The following RAB11FIP3 variants were observed in gnomAD, a reference collection of about 807,000 sequenced individuals.
RAB11FIP3 encodes RAB11 family interacting protein 3.
A neutral mutation model predicts 77.8 loss-of-function variants in RAB11FIP3; 17 were observed. The ratio of observed to expected loss-of-function variants is 0.22; its 90% CI spans 0.15 to 0.33. The LOEUF is 0.33. Among genes scored for constraint, RAB11FIP3 ranks in the 10% least tolerant of loss-of-function variants. The probability of loss-of-function intolerance (pLI) is 1.00; values close to 1 mark genes in which losing one functional copy is unlikely to be tolerated. For synonymous variants in RAB11FIP3, 437 were observed against 448.2 expected (o/e 0.98, Z 0.31); for missense variants, 1,005 against 1,011.2 (o/e 0.99, Z 0.08).
intron 8 of RAB11FIP3, among the ~76,000 whole-genome samples, chr16:508,035 TTC>T (rs1165121793): frequency 6.6e-6 from 1 of 152,268 alleles, no homozygotes; most frequent in African/African-American, 2.4e-5. Flanking sequence ...CCACGTTTTC[TTC>T]TGTTTTGCCA....
At chr16:464,454 A>T (rs908943671) in intron 2 of RAB11FIP3, among the ~76,000 whole-genome samples, 24 of 152,140 alleles carry the variant, frequency 1.6e-4, no homozygotes, top group African/African-American at 5.1e-4. Flanking sequence ...TCCTCCCTCC[A>T]GGCCTTCTGG....
intron 1 of RAB11FIP3, among the ~76,000 whole-genome samples, chr16:446,739 A>G (rs966351835): frequency 1.3e-5 from 2 of 151,866 alleles, no homozygotes; most frequent in South Asian, 4.1e-4. Context: ...TCTGTCGCCC[A>G]GGCTGGAGTG....
intron 1 of RAB11FIP3, among the ~76,000 whole-genome samples, chr16:446,595 T>G (rs935346726): frequency 4.6e-5 from 7 of 152,224 alleles, no homozygotes; most frequent in Admixed American, 3.9e-4. Flanking sequence ...TCTAGCCTGG[T>G]GTCCAGATGT....
At chr16:469,304 G>A (rs2055769583) in intron 2 of RAB11FIP3, among the ~76,000 whole-genome samples, 1 of 152,120 alleles carries the variant, frequency 6.6e-6, no homozygotes, top group African/African-American at 2.4e-5. Flanking sequence ...TCGAACTCCT[G>A]AACTCGTGAT....
At chr16:434,316 T>C (rs1266600718) in intron 1 of RAB11FIP3, among the ~76,000 whole-genome samples, 1 of 151,758 alleles carries the variant, frequency 6.6e-6, no homozygotes, top group Non-Finnish European at 1.5e-5. Context: ...AGAGGCGGGG[T>C]TTCGCCATGT....
chr16:496,757 T>C, intron 5 of RAB11FIP3, 67 bp from the exon 6 acceptor site: 1 of 1,492,344 alleles, frequency 6.7e-7, no homozygotes, highest in Non-Finnish European at 9.3e-7. Flanking sequence ...AGCCTGAGTT[T>C]CCTGCTTCCT....
At chr16:483,153 G>A (rs899035907) in intron 4 of RAB11FIP3, among the ~76,000 whole-genome samples, 4 of 152,174 alleles carry the variant, frequency 2.6e-5, no homozygotes, top group Non-Finnish European at 4.4e-5. Context: ...GTTGGGGCCG[G>A]AGTAGAGGGA....
intron 1 of RAB11FIP3, among the ~76,000 whole-genome samples, chr16:429,602 C>T (rs3785295): frequency 0.15 from 22,171 of 151,460 alleles, 2,687 homozygotes; most frequent in African/African-American, 0.33. Flanking sequence ...CGGGTTCAAG[C>T]GATTCTCCTG....
At chr16:488,698 C>G (rs946300882) in intron 4 of RAB11FIP3, among the ~76,000 whole-genome samples, 153 bp from the exon 5 acceptor site, 2 of 148,420 alleles carry the variant, frequency 1.3e-5, no homozygotes, top group Admixed American at 1.4e-4. Context: ...TGTGAGCCAC[C>G]GCATCCAGCC....
intron 3 of RAB11FIP3, among the ~76,000 whole-genome samples, chr16:474,509 G>T (rs1181599158): frequency 2.0e-5 from 3 of 152,144 alleles, no homozygotes; most frequent in African/African-American, 7.2e-5. Flanking sequence ...GATGTCTGAG[G>T]ATCTGAGCAG....
intron 1 of RAB11FIP3, among the ~76,000 whole-genome samples, chr16:430,424 A>G (rs1032579972): frequency 6.6e-6 from 1 of 152,140 alleles, no homozygotes; most frequent in African/African-American, 2.4e-5. Context: ...CTTGGTAGGC[A>G]TTGTCTGTCT....
intron 2 of RAB11FIP3, among the ~76,000 whole-genome samples, chr16:467,960 T>A (rs369913097): frequency 5.8e-3 from 266 of 46,248 alleles, no homozygotes; most frequent in African/African-American, 0.017. Context: ...GAGGAGGTGC[T>A]GGGGCGTCAG....
intron 10 of RAB11FIP3, 76 bp from the exon 11 acceptor site, chr16:519,678 G>A (rs1367803114): frequency 6.4e-7 from 1 of 1,552,064 alleles, no homozygotes; most frequent in Non-Finnish European, 8.8e-7. Flanking sequence ...GAGATTGGAG[G>A]GACAGACGGC....
intron 6 of RAB11FIP3, chr16:497,180 C>T (rs1198095133): frequency 1.0e-6 from 1 of 972,904 alleles, no homozygotes; most frequent in African/African-American, 1.7e-5. Flanking sequence ...GTAGCGAGAC[C>T]CAGTGAGGAG....
chr16:519,050 TG>T, intron 10 of RAB11FIP3, 26 bp downstream of exon 10: 1 of 1,610,884 alleles, frequency 6.2e-7, no homozygotes, highest in Non-Finnish European at 8.5e-7. Context: ...CCTGGAGCTG[TG>T]GCCAGTGGGG....
chr16:457,392 G>A (rs2055521263), intron 1 of RAB11FIP3, among the ~76,000 whole-genome samples: 3 of 152,070 alleles, frequency 2.0e-5, no homozygotes, highest in African/African-American at 7.2e-5. Context: ...CTTATTGTCC[G>A]TCTGCTGGAG....
At position 515,042 on chromosome 16, in the gene RAB11FIP3, C is replaced by A. The variant is rs1023932083; in HGVS notation, c.1641-3901C>A. 3.3e-5 allele frequency among the ~76,000 whole-genome samples: 5 copies of A among 152,058 alleles called. No homozygotes were observed. The East Asian group carries it at 5.8e-4, about 18-fold the overall frequency. ...AGCCTGATAATGAAAGGAGAGAAGT[C>A]AGAAAGACTGACCCCAGCACTGGGC... On this transcript the variant is annotated intron_variant, in intron 9 of 13. Coordinates refer to ENST00000262305, the MANE Select transcript of RAB11FIP3 (RefSeq NM_014700.4).
At chr16:438,751 G>A (rs1310558436) in intron 1 of RAB11FIP3, among the ~76,000 whole-genome samples, 11 of 144,368 alleles carry the variant, frequency 7.6e-5, no homozygotes, top group African/African-American at 1.6e-4. Context: ...GTGCGGTGGC[G>A]CGATCTCAGC....
intron 5 of RAB11FIP3, among the ~76,000 whole-genome samples, chr16:492,086 T>G (rs991232233): frequency 6.6e-6 from 1 of 152,230 alleles, no homozygotes; most frequent in Non-Finnish European, 1.5e-5. Context: ...GAGCCTGCCC[T>G]GTCCCTGCCC....
Sources: allele counts gnomAD v4.1 joint callset (sites outside exome capture counted in the v4.1 genomes callset), GRCh38; gene constraint gnomAD v4.1.1; transcripts MANE v1.5; gene names NCBI Gene and HGNC (gene_info 2026-07-23, HGNC 2026-07-21).